The following ADCY10 variants were observed in gnomAD, a reference collection of about 807,000 sequenced individuals.
ADCY10 encodes the protein adenylate cyclase 10, also known as adenylate cyclase type 10.
ADCY10 carries 156 observed loss-of-function variants against 183.3 expected under a neutral mutation model. That is an observed-to-expected ratio of 0.85 (90% CI 0.75 to 0.97). The LOEUF (loss-of-function observed/expected upper bound fraction) is 0.97, where lower values mean the gene tolerates loss of function less well. Among genes scored for constraint, ADCY10 ranks in the 50% least tolerant of loss-of-function variants. The pLI, the probability that ADCY10 is intolerant of heterozygous loss-of-function variation, is 0.00. For synonymous variants in ADCY10, 645 were observed against 670.0 expected (o/e 0.96, Z 0.58); for missense variants, 1,745 against 1,934.3 (o/e 0.90, Z 1.84).
At chr1:167,822,933 C>A in intron 29 of ADCY10, 75 bp downstream of exon 29, 1 of 1,333,466 alleles carries the variant, frequency 7.5e-7, no homozygotes. Context: ...AAAGCCCCAA[C>A]CTGAGAGCTG....
chr1:167,842,044 T>G (rs1023630396), intron 21 of ADCY10, among the ~76,000 whole-genome samples: 10 of 152,186 alleles, frequency 6.6e-5, no homozygotes, highest in African/African-American at 2.2e-4. Context: ...AATCAAGACT[T>G]AGAAAATAAC....
rs1279853298 is a variant in ADCY10, at chr1:167,904,978, C to A, written c.148+15G>T. The A allele has an allele frequency of 1.9e-6, 3 of 1,614,098 alleles. No homozygotes were observed. Among genetic ancestry groups the A allele is most frequent in the Non-Finnish European group, 2.5e-6 (3 of 1,180,048 alleles). On this transcript the variant is annotated intron_variant, in intron 2 of 32. Coordinates refer to ENST00000367851, the MANE Select transcript of ADCY10 (RefSeq NM_018417.6). ...TTGCTCATCCACATTAAACAAACAT[C>A]CCTTTTGCACTTGCCTGAAATATCA... is the stretch of plus-strand genomic sequence containing the variant.
At chr1:167,847,609 G>A (rs1431585473) in intron 19 of ADCY10, among the ~76,000 whole-genome samples, 2 of 151,748 alleles carry the variant, frequency 1.3e-5, no homozygotes, top group Non-Finnish European at 2.9e-5. Context: ...TAGTAGAGAC[G>A]GGGTTTCTCC....
chr1:167,852,597 T>C (rs1665581804), intron 18 of ADCY10, among the ~76,000 whole-genome samples: 1 of 152,210 alleles, frequency 6.6e-6, no homozygotes, highest in Admixed American at 6.5e-5. Context: ...AATATTATTA[T>C]AATGGAATTA....
At chr1:167,816,732 G>A (rs1257403451) in intron 31 of ADCY10, among the ~76,000 whole-genome samples, 1 of 152,078 alleles carries the variant, frequency 6.6e-6, no homozygotes, top group African/African-American at 2.4e-5. Flanking sequence ...CTTCAAAATT[G>A]AAGACAAAAT....
At chr1:167,832,002 C>T (rs1663772225) in intron 25 of ADCY10, among the ~76,000 whole-genome samples, 1 of 152,102 alleles carries the variant, frequency 6.6e-6, no homozygotes, top group African/African-American at 2.4e-5. Flanking sequence ...CACAGGAGCT[C>T]AGCTCCATTA....
intron 19 of ADCY10, among the ~76,000 whole-genome samples, chr1:167,846,744 A>G (rs529188997): frequency 6.6e-6 from 1 of 152,222 alleles, no homozygotes; most frequent in East Asian, 1.9e-4. Context: ...ATACATTATC[A>G]TCTCTGTGTC....
intron 13 of ADCY10, among the ~76,000 whole-genome samples, chr1:167,873,715 A>G (rs577788095): frequency 2.0e-5 from 3 of 152,354 alleles, no homozygotes; most frequent in Non-Finnish European, 4.4e-5. Flanking sequence ...TGGATTGTAG[A>G]CTTAAATATA....
At chr1:167,849,507 T>C (rs1324185785) in intron 18 of ADCY10, among the ~76,000 whole-genome samples, 1 of 152,214 alleles carries the variant, frequency 6.6e-6, no homozygotes, top group African/African-American at 2.4e-5. Flanking sequence ...GAGTGCCATG[T>C]GATTGGGCAC....
At chr1:167,870,780 G>A (rs896429089) in intron 13 of ADCY10, among the ~76,000 whole-genome samples, 1 of 150,662 alleles carries the variant, frequency 6.6e-6, no homozygotes, top group African/African-American at 2.5e-5. Context: ...TTGCACTCCA[G>A]CCTGGGCGAC....
At chr1:167,906,992 C>T (rs937707304) in intron 1 of ADCY10, among the ~76,000 whole-genome samples, 1 of 152,158 alleles carries the variant, frequency 6.6e-6, no homozygotes, top group African/African-American at 2.4e-5. Context: ...TCTACCTTCT[C>T]CACCATGGAG....
intron 21 of ADCY10, among the ~76,000 whole-genome samples, chr1:167,838,746 C>T (rs1192584077): frequency 6.6e-6 from 1 of 152,112 alleles, no homozygotes; most frequent in Non-Finnish European, 1.5e-5. Context: ...TCAAATACCA[C>T]CTTGGCAACT....
At chr1:167,889,564 G>A (rs1263422074) in intron 8 of ADCY10, among the ~76,000 whole-genome samples, 1 of 152,014 alleles carries the variant, frequency 6.6e-6, no homozygotes, top group African/African-American at 2.4e-5. Flanking sequence ...GTCTGGTTTT[G>A]GTATCAGGGT....
At chr1:167,821,786 T>A (rs921811662) in intron 30 of ADCY10, among the ~76,000 whole-genome samples, 1 of 152,188 alleles carries the variant, frequency 6.6e-6, no homozygotes, top group African/African-American at 2.4e-5. Context: ...CAACATGATA[T>A]GTTTGCGATA....
At chr1:167,817,330 A>C (rs1316811073) in intron 31 of ADCY10, among the ~76,000 whole-genome samples, 1 of 152,192 alleles carries the variant, frequency 6.6e-6, no homozygotes, top group Non-Finnish European at 1.5e-5. Flanking sequence ...GCGCCACTGC[A>C]CTCCAGCCTG....
In ADCY10 at chr1:167,845,667, C is replaced by T. The variant is rs140892164; in HGVS notation, c.2903G>A (p.Arg968Gln). The change falls in exon 21 of 33, where the codon CGA becomes CAA. Residue 968 changes from arginine (R) to glutamine (Q), a missense_variant. Coordinates refer to ENST00000367851, the MANE Select transcript of ADCY10 (RefSeq NM_018417.6). ...ATGATAGGGAATGAAGTCCCTGCCT[C>T]GGCAGTGGTCACATCTGTGGGCATC... ...EEDAHRCDHC[R>Q]GRDFIPYHHF... The T allele has an allele frequency of 2.0e-4, 321 of 1,614,242 alleles. 1 individual carries two copies. The African/African-American group carries it at 3.1e-3, about 16-fold the overall frequency.
chr1:167,880,093 G>A, intron 11 of ADCY10, 22 bp downstream of exon 11: 1 of 1,603,984 alleles, frequency 6.2e-7, no homozygotes, highest in Non-Finnish European at 8.5e-7. Context: ...AAGAAAGCTG[G>A]AGATGAGCTG....
At chr1:167,820,274 G>A (rs34460250) in intron 30 of ADCY10, 102,800 of 1,405,766 alleles carry the variant, frequency 0.073, 4,137 homozygotes, top group Middle Eastern at 0.11. Flanking sequence ...AGGGCTGCTG[G>A]CGCCGCAGCG....
intron 12 of ADCY10, 149 bp downstream of exon 12, chr1:167,878,297 G>T: frequency 1.2e-6 from 1 of 812,366 alleles, no homozygotes; most frequent in Non-Finnish European, 2.0e-6. Context: ...GAAAGATTAA[G>T]GATTTTGAAG....
Sources: allele counts gnomAD v4.1 joint callset (sites outside exome capture counted in the v4.1 genomes callset), GRCh38; gene constraint gnomAD v4.1.1; transcripts MANE v1.5; gene names NCBI Gene and HGNC (gene_info 2026-07-23, HGNC 2026-07-21).